The following LRP2 variants were observed in gnomAD, a reference collection of about 807,000 sequenced individuals.
The protein encoded by LRP2 is LDL receptor related protein 2.
A neutral mutation model predicts 531.0 loss-of-function variants in LRP2; 172 were observed. The observed-to-expected ratio is 0.32, with a 90% CI of 0.29 to 0.37. The LOEUF is 0.37. Ranked by LOEUF, LRP2 falls within the 10% of genes least tolerant of loss-of-function variation. The pLI is 1.00. For missense variants in LRP2, 5,167 were observed against 5,868.3 expected (o/e 0.88, Z 3.90); for synonymous variants, 1,992 against 2,027.6 (o/e 0.98, Z 0.47).
intron 53 of LRP2, 49 bp from the exon 54 acceptor site, chr2:169,176,637 C>T (rs1359961192): frequency 6.5e-7 from 1 of 1,530,862 alleles, no homozygotes; most frequent in Admixed American, 1.7e-5. Context: ...AAGAGAGTAT[C>T]AAGCACAGAT....
intron 1 of LRP2, among the ~76,000 whole-genome samples, chr2:169,350,332 T>G (rs940878362): frequency 1.3e-5 from 2 of 151,914 alleles, no homozygotes; most frequent in African/African-American, 4.8e-5. Context: ...AAATGAGCAG[T>G]TGGATATGTG....
chr2:169,182,706 A>G (rs778852291), intron 50 of LRP2: 15 of 854,700 alleles, frequency 1.8e-5, no homozygotes, highest in Non-Finnish European at 2.1e-5. Context: ...AAGGAAACAC[A>G]CTTGTCTAAG....
Position 169,260,723 on chromosome 2 carries a change from C to G in LRP2, c.2321-1506G>C, listed in dbSNP as rs529793298. Among the ~76,000 whole-genome samples the G allele has an allele frequency of 3.3e-5, 5 of 151,962 alleles. No homozygotes were observed. In the South Asian group the frequency reaches 1.0e-3, roughly 32 times the overall value. ...TAAATGCACTATTATAAAAGTCTCC[C>G]CATAATTATTTATAGTTGCTACATA... On this transcript the variant is annotated intron_variant, in intron 16 of 78. Transcript: ENST00000649046.
chr2:169,184,106 G>A (rs59210315), intron 50 of LRP2, among the ~76,000 whole-genome samples: 3,155 of 151,828 alleles, frequency 0.021, 98 homozygotes, highest in African/African-American at 0.072. Context: ...CAAGAGAAAC[G>A]TCATTCTAGC....
At chr2:169,176,216 G>T (rs939824398) in intron 54 of LRP2, among the ~76,000 whole-genome samples, 195 bp downstream of exon 54, 2 of 152,176 alleles carry the variant, frequency 1.3e-5, no homozygotes, top group Admixed American at 6.5e-5. Context: ...ATAACAGTTT[G>T]GTTAGCAAGC....
At chr2:169,281,672 G>A (rs1216184633) in intron 10 of LRP2, among the ~76,000 whole-genome samples, 1 of 147,420 alleles carries the variant, frequency 6.8e-6, no homozygotes, top group South Asian at 2.2e-4. Context: ...GAGCCAAGAT[G>A]GCGCCACTGC....
chr2:169,310,632 T>A (rs1192721029), intron 3 of LRP2, among the ~76,000 whole-genome samples: 1 of 152,256 alleles, frequency 6.6e-6, no homozygotes, highest in African/African-American at 2.4e-5. Flanking sequence ...TTTGCATCGA[T>A]GTTCATCAGG....
Position 169,146,767 on chromosome 2 carries a change from C to G in LRP2, c.12783G>C (p.Gly4261=). The G allele has an allele frequency of 6.2e-7, 1 of 1,613,850 alleles. No homozygotes were observed. Among genetic ancestry groups the G allele is most frequent in the Non-Finnish European group, 8.5e-7 (1 of 1,179,732 alleles). The part of the protein sequence containing the change: ...EDVIETIKYD[G]TDRRVIAKEA... The stretch of plus-strand genomic sequence containing the variant: ...CCTTTGCAATGACTCTCCTATCAGT[C>G]CCATCATATTTTATGGTTTCAATAA... The change falls in exon 69 of 79, where the codon GGG becomes GGC. Residue 4261 remains glycine, a synonymous_variant. Coordinates refer to ENST00000649046, the MANE Select transcript of LRP2 (RefSeq NM_004525.3).
At chr2:169,310,838 CT>C (rs1359910155) in intron 3 of LRP2, among the ~76,000 whole-genome samples, 1 of 152,010 alleles carries the variant, frequency 6.6e-6, no homozygotes, top group Admixed American at 6.6e-5. Flanking sequence ...TCCTGGACTT[CT>C]TTTGGTTGGT....
At chr2:169,339,735 C>T (rs1265295754) in intron 1 of LRP2, among the ~76,000 whole-genome samples, 3 of 152,156 alleles carry the variant, frequency 2.0e-5, no homozygotes, top group Non-Finnish European at 4.4e-5. Flanking sequence ...CTCCTCACTT[C>T]ACTCTGATAA....
At chr2:169,230,387 C>T (rs913799441) in intron 31 of LRP2, among the ~76,000 whole-genome samples, 2 of 152,224 alleles carry the variant, frequency 1.3e-5, no homozygotes, top group South Asian at 2.1e-4. Flanking sequence ...ATGAAAGTAT[C>T]ATTGCACAAT....
At chr2:169,275,404 C>T (rs2105444184) in intron 13 of LRP2, 166 bp from the exon 14 acceptor site, 1 of 626,900 alleles carries the variant, frequency 1.6e-6, no homozygotes, top group Non-Finnish European at 2.8e-6. Context: ...TTTCCATCTA[C>T]ATATGATAGA....
intron 6 of LRP2, 123 bp downstream of exon 6, chr2:169,294,025 A>G (rs1415899384): frequency 2.7e-6 from 2 of 747,036 alleles, no homozygotes; most frequent in Admixed American, 3.9e-5. Context: ...CATCAAACGT[A>G]GTGACTCTTC....
chr2:169,325,789 G>C (rs1685032440), intron 1 of LRP2, among the ~76,000 whole-genome samples: 1 of 152,016 alleles, frequency 6.6e-6, no homozygotes, highest in Non-Finnish European at 1.5e-5. Context: ...TAGGTGGCAG[G>C]AATTCTTTTG....
chr2:169,212,685 T>C (rs1174239539), intron 36 of LRP2, among the ~76,000 whole-genome samples: 1 of 150,852 alleles, frequency 6.6e-6, no homozygotes, highest in Non-Finnish European at 1.5e-5. Flanking sequence ...AAACCAAACA[T>C]CGCATGTTCT....
At chr2:169,139,863 T>C (rs1186155711) in intron 72 of LRP2, among the ~76,000 whole-genome samples, 1 of 152,216 alleles carries the variant, frequency 6.6e-6, no homozygotes, top group Non-Finnish European at 1.5e-5. Context: ...CGAAAACCTA[T>C]TGGTGTCTAA....
intron 58 of LRP2, among the ~76,000 whole-genome samples, chr2:169,171,154 A>G (rs185291319): frequency 6.6e-6 from 1 of 152,222 alleles, no homozygotes; most frequent in African/African-American, 2.4e-5. Context: ...CAAAATGCCA[A>G]TTGGATTACC....
At chr2:169,163,584 T>A (rs918801245) in intron 62 of LRP2, among the ~76,000 whole-genome samples, 2 of 152,098 alleles carry the variant, frequency 1.3e-5, no homozygotes, top group African/African-American at 4.8e-5. Context: ...GAGAACTATG[T>A]CTCCAAAAGA....
chr2:169,271,075 C>T lies in LRP2; in HGVS notation c.2149G>A (p.Val717Ile), dbSNP rs777941486. 11 of 1,612,858 alleles carry T rather than the reference C, an allele frequency of 6.8e-6. No individual in the cohort carries two copies. The highest frequency in any genetic ancestry group is 1.3e-5 in the African/African-American group (1 of 74,806). ...VQNFLIFSSQ[V>I]AIRGIPFTLS... ...GTGAACGGGATCCCACGAATAGCAACTTGGGATGAAAAAATGAGGAAATTC... is the reference window on the plus strand; with the variant it reads ...GTGAACGGGATCCCACGAATAGCAATTTGGGATGAAAAAATGAGGAAATTC... Residue 717 changes from valine (V) to isoleucine (I), a missense_variant, in exon 16 of 79, where the codon GTT becomes ATT. By Grantham distance (29) the Val-to-Ile change is conservative. Around this residue, in one of 6 missense-constraint regions of LRP2, gnomAD observed 2,811 missense variants for 3,058.0 expected, o/e 0.92. Transcript: ENST00000649046.
Sources: gnomAD v4.1 joint callset for allele counts (sites outside exome capture counted in the v4.1 genomes callset) on GRCh38, gnomAD v4.1.1 for gene constraint, gnomAD v4.1.1 regional missense constraint, MANE v1.5 for transcripts, NCBI Gene and HGNC (gene_info 2026-07-23, HGNC 2026-07-21) for gene names.